Variants in MAML3 observed in about 807,000 individuals in gnomAD.
MAML3 encodes the protein mastermind like transcriptional coactivator 3.
MAML3 carries 27 observed loss-of-function variants against 101.9 expected under a neutral mutation model. The ratio of observed to expected loss-of-function variants is 0.27; its 90% CI spans 0.20 to 0.37. MAML3 has a LOEUF of 0.37. Among genes scored for constraint, MAML3 ranks in the 10% least tolerant of loss-of-function variants. The pLI is 1.00. For missense variants in MAML3, 1,316 were observed against 1,444.9 expected (o/e 0.91, Z 1.45); for synonymous variants, 501 against 555.9 (o/e 0.90, Z 1.39).
At chr4:139,779,758 T>C (rs757839824) in intron 2 of MAML3, among the ~76,000 whole-genome samples, 2 of 152,172 alleles carry the variant, frequency 1.3e-5, no homozygotes, top group African/African-American at 2.4e-5. Flanking sequence ...GCTGGCCAGA[T>C]TGCTTTTTGG....
chr4:140,033,203 G>C (rs1352862320), intron 1 of MAML3, among the ~76,000 whole-genome samples: 1 of 152,178 alleles, frequency 6.6e-6, no homozygotes, highest in Admixed American at 6.5e-5. Flanking sequence ...AGAGCTATTC[G>C]AAACAAATGG....
chr4:139,951,116 T>C (rs1236023564), intron 1 of MAML3, among the ~76,000 whole-genome samples: 1 of 152,186 alleles, frequency 6.6e-6, no homozygotes, highest in Non-Finnish European at 1.5e-5. Flanking sequence ...CCAAGCCTCC[T>C]TCTCTCTCTC....
At chr4:139,761,383 C>CT (rs1434720593) in intron 2 of MAML3, among the ~76,000 whole-genome samples, 3 of 151,556 alleles carry the variant, frequency 2.0e-5, no homozygotes, top group African/African-American at 7.3e-5. Context: ...CAAAGAGAGT[C>CT]TGGAGGGGGC....
At chr4:139,856,484 G>C (rs1731665600) in intron 2 of MAML3, among the ~76,000 whole-genome samples, 1 of 152,190 alleles carries the variant, frequency 6.6e-6, no homozygotes, top group Non-Finnish European at 1.5e-5. Flanking sequence ...GAGATATTGG[G>C]AAAGCAGAAT....
At chr4:140,142,411 T>C (rs1435570640) in intron 1 of MAML3, among the ~76,000 whole-genome samples, 3 of 152,192 alleles carry the variant, frequency 2.0e-5, no homozygotes, top group African/African-American at 7.2e-5. Context: ...GTTCCTCCTA[T>C]GTACATGTAG....
intron 1 of MAML3, among the ~76,000 whole-genome samples, chr4:140,119,882 G>A (rs1380027456): frequency 6.6e-6 from 1 of 152,124 alleles, no homozygotes. Context: ...AGGAAAATTA[G>A]TAATTATTGT....
intron 2 of MAML3, among the ~76,000 whole-genome samples, chr4:139,798,038 A>G (rs372318643): frequency 0.013 from 74 of 5,704 alleles, no homozygotes; most frequent in African/African-American, 0.019. Context: ...GAGAGAGAGA[A>G]AGAAAGAAAG....
intron 1 of MAML3, among the ~76,000 whole-genome samples, chr4:139,918,621 A>G (rs1375574239): frequency 1.3e-5 from 2 of 152,028 alleles, no homozygotes; most frequent in Non-Finnish European, 2.9e-5. Context: ...TTTCCTTGGT[A>G]TTGTCTTCTC....
At chr4:140,109,576 CTTCTT>C (rs1347592560) in intron 1 of MAML3, among the ~76,000 whole-genome samples, 1 of 152,174 alleles carries the variant, frequency 6.6e-6, no homozygotes, top group Admixed American at 6.5e-5. Context: ...GAAACGATTT[CTTCTT>C]TTAATAGTCC....
chr4:140,152,185 G>A (rs929708948), intron 1 of MAML3, among the ~76,000 whole-genome samples: 1 of 152,112 alleles, frequency 6.6e-6, no homozygotes, highest in Admixed American at 6.5e-5. Flanking sequence ...CCCGCGCCCC[G>A]CATCCGCGCG....
At chr4:139,722,780 C>G (rs1183284784) in intron 4 of MAML3, among the ~76,000 whole-genome samples, 1 of 152,170 alleles carries the variant, frequency 6.6e-6, no homozygotes, top group Non-Finnish European at 1.5e-5. Flanking sequence ...CAAGTTATAC[C>G]TAACAAAACT....
At chr4:140,134,754 C>A (rs1334323589) in intron 1 of MAML3, among the ~76,000 whole-genome samples, 1 of 152,162 alleles carries the variant, frequency 6.6e-6, no homozygotes, top group Non-Finnish European at 1.5e-5. Flanking sequence ...AAAAAAAGGT[C>A]CCACAGAGAC....
intron 1 of MAML3, among the ~76,000 whole-genome samples, chr4:139,920,197 TTCTG>T (rs1389506820): frequency 1.6e-4 from 24 of 152,238 alleles, no homozygotes; most frequent in African/African-American, 5.8e-4. Context: ...TTTTTTGCCT[TTCTG>T]TAAGTTAATG....
chr4:139,744,481 A>G (rs1025009563), intron 2 of MAML3, among the ~76,000 whole-genome samples: 4 of 152,244 alleles, frequency 2.6e-5, no homozygotes, highest in Non-Finnish European at 5.9e-5. Context: ...TGCATGGCTA[A>G]CATGCAAATA....
Position 139,974,357 on chromosome 4 carries a change from G to A in MAML3, c.469-83390C>T, listed in dbSNP as rs537173485. ...CCTGACCTTGTGATCTGCCCGTCTCGGCCTCCCAAACTGCTGGGATTACAG... is the reference window on the plus strand; with the variant it reads ...CCTGACCTTGTGATCTGCCCGTCTCAGCCTCCCAAACTGCTGGGATTACAG... On this transcript the variant is annotated intron_variant, in intron 1 of 4. Transcript: ENST00000509479. Among the ~76,000 whole-genome samples the A allele has an allele frequency of 6.6e-5, 10 of 152,034 alleles. No homozygotes were observed. The South Asian group carries it at 1.9e-3, about 28-fold the overall frequency.
At chr4:140,150,320 A>G (rs1729137238) in intron 1 of MAML3, among the ~76,000 whole-genome samples, 1 of 152,206 alleles carries the variant, frequency 6.6e-6, no homozygotes, top group Non-Finnish European at 1.5e-5. Context: ...CTTCCCAGTA[A>G]GGTCAGGAGG....
intron 1 of MAML3, among the ~76,000 whole-genome samples, chr4:140,044,296 G>T (rs1727143365): frequency 6.6e-6 from 1 of 152,192 alleles, no homozygotes; most frequent in Non-Finnish European, 1.5e-5. Context: ...GAAAGGAATT[G>T]TCATCAAAGC....
chr4:139,872,343 G>C (rs1458924513), intron 2 of MAML3, among the ~76,000 whole-genome samples: 1 of 152,206 alleles, frequency 6.6e-6, no homozygotes, highest in East Asian at 1.9e-4. Flanking sequence ...TTCAATAAAT[G>C]TTGCTAGGTG....
Position 139,946,923 on chromosome 4 carries a change from ACACTCTCTCTCT to A in MAML3, c.469-55968_469-55957del, listed in dbSNP as rs1458550419. On this transcript the variant is annotated intron_variant, in intron 1 of 4. Coordinates refer to ENST00000509479, the MANE Select transcript of MAML3 (RefSeq NM_018717.5). The stretch of plus-strand genomic sequence containing the variant: ...CACACACACACACACACACACACAC[ACACTCTCTCTCT>A]CTCTCTCTCTCTCTCTCTTTAGAAA... Among the ~76,000 whole-genome samples, 22 of 62,168 alleles carry A rather than the reference ACACTCTCTCTCT, an allele frequency of 3.5e-4. 1 individual carries two copies. The highest frequency in any genetic ancestry group is 1.5e-3 in the African/African-American group (19 of 12,454). 40.8% of individuals were successfully genotyped at this position (62,168 alleles called of 152,430 possible).
Sources: allele counts gnomAD v4.1 joint callset (sites outside exome capture counted in the v4.1 genomes callset), GRCh38; gene constraint gnomAD v4.1.1; transcripts MANE v1.5; gene names NCBI Gene and HGNC (gene_info 2026-07-23, HGNC 2026-07-21).